The following SH3GL3 variants were observed in gnomAD, a reference collection of about 807,000 sequenced individuals.
The protein encoded by SH3GL3 is endophilin-A3.
SH3GL3 carries 33 observed loss-of-function variants against 47.7 expected under a neutral mutation model. That is an observed-to-expected ratio of 0.69 (90% confidence interval 0.52 to 0.92). SH3GL3 has a LOEUF of 0.92. Ranked by LOEUF, SH3GL3 falls within the 40% of genes least tolerant of loss-of-function variation. SH3GL3 has a pLI of 0.00. For synonymous variants in SH3GL3, 155 were observed against 148.8 expected, an observed-to-expected ratio of 1.04 and a Z score of -0.30; for missense variants, 363 against 417.8, an observed-to-expected ratio of 0.87 and a Z score of 1.14.
At chr15:83,611,049 T>G (rs138978666) in intron 8 of SH3GL3, among the ~76,000 whole-genome samples, 2,347 of 151,446 alleles carry the variant, frequency 0.015, 40 homozygotes, top group African/African-American at 0.037. Flanking sequence ...TATATATATA[T>G]ATAGAGACAA....
chr15:83,572,893 T>G (rs1193516215), intron 5 of SH3GL3, among the ~76,000 whole-genome samples, 195 bp downstream of exon 5: 3 of 151,984 alleles, frequency 2.0e-5, no homozygotes, highest in Admixed American at 6.6e-5. Context: ...GCCCTGGAGA[T>G]GAAGCAGGAT....
intron 1 of SH3GL3, among the ~76,000 whole-genome samples, chr15:83,458,120 C>A (rs151229258): frequency 6.6e-6 from 1 of 152,140 alleles, no homozygotes; most frequent in Non-Finnish European, 1.5e-5. Context: ...ACACACTGTT[C>A]GGCTAAATAG....
chr15:83,550,853 G>A lies in SH3GL3; in HGVS notation c.46-8400G>A, dbSNP rs187791164. ...CTTAGGTACATCCCATGGAGCTAGT[G>A]TTTTGTGGCACACATACTGGAAAAT... On this transcript the variant is annotated intron_variant, in intron 1 of 8. Transcript: ENST00000427482. Among the ~76,000 whole-genome samples the A allele has an allele frequency of 2.1e-3, 316 of 152,290 alleles. 1 individual carries two copies. Among genetic ancestry groups the A allele is most frequent in the Admixed American group, 0.014 (213 of 15,306 alleles).
At position 83,448,339 on chromosome 15, in the gene SH3GL3, GAATT is replaced by G. The variant is rs1052891381; in HGVS notation, c.45+764_45+767del. Among the ~76,000 whole-genome samples the G allele has an allele frequency of 8.5e-5, 13 of 152,104 alleles. No homozygotes were observed. The highest frequency in any genetic ancestry group is 1.9e-4 in the Non-Finnish European group (13 of 68,022). ...CCGGAGGAGGAGACATGTCATTTGA[GAATT>G]AAGTATGAGGAAGAATTATGGCTGA... On this transcript the variant is annotated intron_variant, in intron 1 of 8. Transcript: ENST00000427482. This position sits in a 1 kb window ranked among gnomAD's most constrained non-coding sequence, Gnocchi z 4.2.
intron 1 of SH3GL3, among the ~76,000 whole-genome samples, chr15:83,533,109 A>AT (rs1385936763): frequency 2.6e-5 from 4 of 152,206 alleles, no homozygotes; most frequent in African/African-American, 9.6e-5. Flanking sequence ...TTGGACTTAC[A>AT]TAGGTTGAGA....
Position 83,528,696 on chromosome 15 carries a change from A to C in SH3GL3, c.46-30557A>C, listed in dbSNP as rs2043530890. ...TCTCTTTAGTGAATTTCTCATTCAC[A>C]TTCTGAATTGTTTTTCTGGTATCTT... On this transcript the variant is annotated intron_variant, in intron 1 of 8. Transcript: ENST00000427482. Among the ~76,000 whole-genome samples, 3 of 151,678 alleles carry C rather than the reference A, an allele frequency of 2.0e-5. No individual in the cohort carries two copies. In the South Asian group the frequency reaches 6.3e-4, roughly 32 times the overall value.
intron 1 of SH3GL3, among the ~76,000 whole-genome samples, chr15:83,531,560 A>T (rs74471732): frequency 0.018 from 2,750 of 152,280 alleles, 38 homozygotes; most frequent in Non-Finnish European, 0.027. Context: ...TCGTGGAAGG[A>T]TGGTACACTG....
At chr15:83,495,239 C>G (rs2042034496) in intron 1 of SH3GL3, among the ~76,000 whole-genome samples, 1 of 152,158 alleles carries the variant, frequency 6.6e-6, no homozygotes, top group Non-Finnish European at 1.5e-5. Flanking sequence ...TCCTGCTGCT[C>G]TCCCAACCTG....
intron 1 of SH3GL3, among the ~76,000 whole-genome samples, chr15:83,463,658 G>C (rs1244998767): frequency 6.6e-6 from 1 of 151,452 alleles, no homozygotes; most frequent in East Asian, 1.9e-4. Flanking sequence ...CTCCTGTCTT[G>C]AAAAAGGAAA....
In SH3GL3 at chr15:83,577,512, C is replaced by T. The variant is rs564711622; in HGVS notation, c.624+771C>T. 4.6e-5 allele frequency among the ~76,000 whole-genome samples: 7 copies of T among 152,198 alleles called. No individual in the cohort carries two copies. The South Asian group carries it at 1.5e-3, about 32-fold the overall frequency. On this transcript the variant is annotated intron_variant, in intron 6 of 8. Transcript: ENST00000427482. ...ACCTCCCAGGCTCAAGCGATCTTCC[C>T]ACCTCAGCCTCCTGGATAGCTGGGA...
At chr15:83,532,043 T>C (rs1158614079) in intron 1 of SH3GL3, among the ~76,000 whole-genome samples, 1 of 152,244 alleles carries the variant, frequency 6.6e-6, no homozygotes, top group Non-Finnish European at 1.5e-5. Flanking sequence ...GAATTCTATA[T>C]ATACTTCTGA....
At chr15:83,488,214 G>A (rs943702833) in intron 1 of SH3GL3, 2 of 152,378 alleles carry the variant, frequency 1.3e-5, no homozygotes, top group African/African-American at 4.8e-5. Flanking sequence ...TGAAAAAAAT[G>A]GATGTGGGTC....
intron 1 of SH3GL3, among the ~76,000 whole-genome samples, chr15:83,551,384 G>T: frequency 6.6e-6 from 1 of 152,152 alleles, no homozygotes; most frequent in Non-Finnish European, 1.5e-5. Flanking sequence ...GTGAGCCAAG[G>T]TCAGGTGCGA....
At chr15:83,597,825 G>C (rs1407946731) in intron 8 of SH3GL3, among the ~76,000 whole-genome samples, 1 of 152,096 alleles carries the variant, frequency 6.6e-6, no homozygotes, top group Non-Finnish European at 1.5e-5. Flanking sequence ...GGCCAGGCTG[G>C]TTGCGAACTC....
At chr15:83,621,429 G>A (rs1396401397), downstream of SH3GL3, among the ~76,000 whole-genome samples, 1 of 152,120 alleles carries the variant, frequency 6.6e-6, no homozygotes, top group East Asian at 1.9e-4. Flanking sequence ...GGAAGCCTGA[G>A]GGGGGAATGG....
chr15:83,460,999 T>C (rs1479628929), intron 1 of SH3GL3, among the ~76,000 whole-genome samples: 1 of 151,466 alleles, frequency 6.6e-6, no homozygotes, highest in Non-Finnish European at 1.5e-5. Context: ...AGGAGAATGG[T>C]GTGAACCCGG....
intron 1 of SH3GL3, among the ~76,000 whole-genome samples, chr15:83,465,322 T>C (rs1596028815): frequency 6.6e-6 from 1 of 151,396 alleles, no homozygotes; most frequent in East Asian, 1.9e-4. Flanking sequence ...AATAAATAAA[T>C]AAATAAAAAA....
chr15:83,600,474 T>C (rs1035078065), intron 8 of SH3GL3, among the ~76,000 whole-genome samples: 26 of 152,168 alleles, frequency 1.7e-4, no homozygotes, highest in Non-Finnish European at 2.9e-4. Flanking sequence ...TGCTTTCGTT[T>C]GCTTTGTCGA....
intron 1 of SH3GL3, among the ~76,000 whole-genome samples, chr15:83,555,825 G>C: frequency 6.6e-6 from 1 of 152,196 alleles, no homozygotes; most frequent in South Asian, 2.1e-4. Context: ...CTGTGTGCAG[G>C]CAAGAAGCCC....
Sources: allele counts gnomAD v4.1 joint callset (sites outside exome capture counted in the v4.1 genomes callset), GRCh38; gene constraint gnomAD v4.1.1; non-coding constraint Gnocchi (gnomAD v3.1); transcripts MANE v1.5; gene names NCBI Gene and HGNC (gene_info 2026-07-23, HGNC 2026-07-21).